The following PDE5A variants were observed in gnomAD, a reference collection of about 807,000 sequenced individuals.
PDE5A encodes phosphodiesterase 5A.
Under a neutral mutation model 110.2 loss-of-function variants are expected in PDE5A, and 67 were observed. The observed-to-expected ratio is 0.61, with a 90% CI of 0.50 to 0.75. PDE5A has a LOEUF of 0.75. PDE5A is among the 30% of genes least tolerant of loss of function. The pLI is 0.00. For missense variants in PDE5A, 862 were observed against 1,045.1 expected (o/e 0.82, Z 2.42); for synonymous variants, 328 against 351.2 (o/e 0.93, Z 0.74).
intron 1 of PDE5A, among the ~76,000 whole-genome samples, chr4:119,624,656 C>T (rs1453286680): frequency 6.6e-6 from 1 of 152,158 alleles, no homozygotes; most frequent in East Asian, 1.9e-4. Context: ...ATCATGTCAT[C>T]CTTAACAATA....
intron 5 of PDE5A, among the ~76,000 whole-genome samples, chr4:119,563,837 T>C (rs551064796): frequency 1.3e-5 from 2 of 152,020 alleles, no homozygotes; most frequent in African/African-American, 2.4e-5. Context: ...ATGGCAAGAA[T>C]AGAACAGGGA....
intron 17 of PDE5A, among the ~76,000 whole-genome samples, chr4:119,504,831 C>T (rs1446012475): frequency 1.3e-5 from 2 of 151,994 alleles, no homozygotes; most frequent in African/African-American, 2.4e-5. Flanking sequence ...CTCAAACTGC[C>T]TCATTTAGCT....
intron 3 of PDE5A, among the ~76,000 whole-genome samples, chr4:119,582,939 T>C (rs1194456678): frequency 6.6e-6 from 1 of 152,220 alleles, no homozygotes; most frequent in Non-Finnish European, 1.5e-5. Flanking sequence ...TGAATTAGCA[T>C]AATTCTTAAG....
At chr4:119,505,718 C>T in intron 17 of PDE5A, 137 bp downstream of exon 17, 1 of 591,514 alleles carries the variant, frequency 1.7e-6, no homozygotes, top group Non-Finnish European at 3.0e-6. Flanking sequence ...TTGTACAACC[C>T]TCTGGAGAAA....
chr4:119,628,786 A>G lies in PDE5A; in HGVS notation c.-115T>C, dbSNP rs1409236368. ...AGACCCTCCCCCTTCGTCCTGCTCC[A>G]GTCGGGCCGGCTTTCGACAAAGCGG... On this transcript the variant is annotated 5_prime_UTR_variant, in exon 1 of 21. Transcript: ENST00000354960. 3 of 1,463,880 alleles carry G rather than the reference A, an allele frequency of 2.0e-6. No individual in the cohort carries two copies. The African/African-American group carries it at 4.2e-5, about 20-fold the overall frequency. The allele number at this position is 1,463,880 out of a possible 1,614,324, so 90.7% of individuals were successfully genotyped here.
At chr4:119,502,296 A>T (rs1725374500) in intron 19 of PDE5A, 1 of 250,048 alleles carries the variant, frequency 4.0e-6, no homozygotes, top group South Asian at 6.7e-5. Flanking sequence ...ATAATACATA[A>T]GAATATTTGT....
intron 3 of PDE5A, among the ~76,000 whole-genome samples, chr4:119,578,333 A>G (rs1485268107): frequency 6.6e-6 from 1 of 152,202 alleles, no homozygotes; most frequent in African/African-American, 2.4e-5. Context: ...ATTGGAAAAA[A>G]CTACTTTAGA....
chr4:119,581,441 G>A (rs933617003), intron 3 of PDE5A, among the ~76,000 whole-genome samples: 2 of 152,126 alleles, frequency 1.3e-5, no homozygotes, highest in Non-Finnish European at 2.9e-5. Context: ...GTGTGTGCGT[G>A]TATATATATG....
Position 119,628,672 on chromosome 4 carries a change from G to A in PDE5A, c.-1C>T. ...CGAAGCTGGGGCCGGCCCGCTCCATGGTTGGCACCGCGCGCCTCGGAGGCT... is the reference window on the plus strand; with the variant it reads ...CGAAGCTGGGGCCGGCCCGCTCCATAGTTGGCACCGCGCGCCTCGGAGGCT... On this transcript the variant is annotated 5_prime_UTR_variant, in exon 1 of 21. Transcript: ENST00000354960. The A allele has an allele frequency of 1.2e-6, 2 of 1,611,936 alleles. No individual in the cohort carries two copies. Among genetic ancestry groups the A allele is most frequent in the Non-Finnish European group, 1.7e-6 (2 of 1,179,862 alleles).
At position 119,525,558 on chromosome 4, in the gene PDE5A, C is replaced by T; in HGVS notation, c.1770G>A (p.Met590Ile). 1 of 1,612,752 alleles carries T rather than the reference C, an allele frequency of 6.2e-7. No homozygotes were observed. Among genetic ancestry groups the T allele is most frequent in the Non-Finnish European group, 8.5e-7 (1 of 1,179,184 alleles). ...TDLNLVQNFQMKHEVLCRWIL... is the reference protein window; with the variant it reads ...TDLNLVQNFQIKHEVLCRWIL... ...GTTGCTGCATTCCTACCTCATGTTT[C>T]ATCTGGAAGTTCTGCACAAGGTTGA... Residue 590 changes from methionine (M) to isoleucine (I), a missense_variant, in exon 12 of 21, where the codon ATG becomes ATA. Coordinates refer to ENST00000354960, the MANE Select transcript of PDE5A (RefSeq NM_001083.4). This position sits in a 1 kb window ranked among gnomAD's most constrained non-coding sequence, Gnocchi z 4.3.
chr4:119,619,694 T>G (rs1159223723), intron 1 of PDE5A, among the ~76,000 whole-genome samples: 1 of 152,224 alleles, frequency 6.6e-6, no homozygotes, highest in Non-Finnish European at 1.5e-5. Flanking sequence ...AAGGCACTGA[T>G]GATGCTCAAG....
intron 14 of PDE5A, among the ~76,000 whole-genome samples, chr4:119,515,492 C>G (rs1403049925): frequency 6.6e-6 from 1 of 152,090 alleles, no homozygotes; most frequent in Admixed American, 6.6e-5. Context: ...CACATTCGTT[C>G]GATCATTTTA....
chr4:119,621,555 A>C (rs1730142015), intron 1 of PDE5A, among the ~76,000 whole-genome samples: 1 of 152,250 alleles, frequency 6.6e-6, no homozygotes, highest in Admixed American at 6.5e-5. Flanking sequence ...GAACAAATGG[A>C]TACATGGACA....
In PDE5A at chr4:119,542,452, C is replaced by T; in HGVS notation, c.1572+7G>A. The T allele has an allele frequency of 6.2e-7, 1 of 1,612,828 alleles. No individual in the cohort carries two copies. Among genetic ancestry groups the T allele is most frequent in the South Asian group, 1.1e-5 (1 of 90,994 alleles). On this transcript the variant is annotated splice_region_variant and intron_variant, in intron 10 of 20. Coordinates refer to ENST00000354960, the MANE Select transcript of PDE5A (RefSeq NM_001083.4). ...TACAGTGTGAGAGGTCCCTAAACTT[C>T]ACCCACCTCCAATGTGACCATTTGC...
intron 13 of PDE5A, among the ~76,000 whole-genome samples, chr4:119,520,481 A>G (rs765778949): frequency 2.4e-4 from 37 of 152,212 alleles, no homozygotes; most frequent in Middle Eastern, 3.4e-3. Context: ...AGTACTTACA[A>G]AATTTACTGA....
At chr4:119,545,073 G>C (rs1190673218) in intron 9 of PDE5A, among the ~76,000 whole-genome samples, 1 of 152,028 alleles carries the variant, frequency 6.6e-6, no homozygotes, top group Non-Finnish European at 1.5e-5. Flanking sequence ...ATCCATCTAG[G>C]CATATAAATT....
intron 14 of PDE5A, among the ~76,000 whole-genome samples, chr4:119,513,719 C>T (rs1222504046): frequency 6.6e-6 from 1 of 152,186 alleles, no homozygotes; most frequent in Admixed American, 6.6e-5. Flanking sequence ...TTTAAAGGCA[C>T]ACAGTATCCA....
Position 119,501,312 on chromosome 4 carries a change from TTAC to T in PDE5A, c.2407-62_2407-60del. The T allele has an allele frequency of 2.9e-6, 3 of 1,044,712 alleles. No homozygotes were observed. In the African/African-American group the frequency reaches 4.8e-5, roughly 17 times the overall value. The allele number at this position is 1,044,712 out of a possible 1,614,324, so 64.7% of individuals were successfully genotyped here. ...GTGCATTTATTTATTTAGTTAGTTA[TTAC>T]TTTATTATTTTTTGAGATGGAGTCT... On this transcript the variant is annotated intron_variant, in intron 19 of 20. Coordinates refer to ENST00000354960, the MANE Select transcript of PDE5A (RefSeq NM_001083.4).
At chr4:119,563,733 T>G (rs1470212103) in intron 5 of PDE5A, among the ~76,000 whole-genome samples, 1 of 152,120 alleles carries the variant, frequency 6.6e-6, no homozygotes, top group African/African-American at 2.4e-5. Context: ...TGAAAAGCAC[T>G]GTATGTCTTT....
Sources: allele counts gnomAD v4.1 joint callset (sites outside exome capture counted in the v4.1 genomes callset), GRCh38; gene constraint gnomAD v4.1.1; non-coding constraint Gnocchi (gnomAD v3.1); transcripts MANE v1.5; gene names NCBI Gene and HGNC (gene_info 2026-07-23, HGNC 2026-07-21).